The following SANBR variants were observed in gnomAD, a reference collection of about 807,000 sequenced individuals.
SANBR encodes the protein SANT and BTB domain regulator of class switch recombination.
Under a neutral mutation model 101.8 loss-of-function variants are expected in SANBR, and 77 were observed. That is an observed-to-expected ratio of 0.76 (90% confidence interval 0.63 to 0.91). The LOEUF (loss-of-function observed/expected upper bound fraction) is 0.91, where lower values mean the gene tolerates loss of function less well. Ranked by LOEUF, SANBR falls within the 40% of genes least tolerant of loss-of-function variation. The probability of loss-of-function intolerance (pLI) is 0.00; values close to 1 mark genes in which losing one functional copy is unlikely to be tolerated. For synonymous variants in SANBR, 279 were observed against 274.7 expected (o/e 1.02, Z -0.15); for missense variants, 875 against 853.0 (o/e 1.03, Z -0.32).
chr2:61,100,608 T>G (rs1168829175), intron 12 of SANBR, among the ~76,000 whole-genome samples: 1 of 152,162 alleles, frequency 6.6e-6, no homozygotes, highest in Non-Finnish European at 1.5e-5. Context: ...ATTAGTAAAA[T>G]TCTGTTTTTG....
At position 61,088,382 on chromosome 2, in the gene SANBR, A is replaced by T; in HGVS notation, c.1002A>T (p.Leu334Phe). The T allele has an allele frequency of 2.5e-6, 4 of 1,596,724 alleles. No homozygotes were observed. The highest frequency in any genetic ancestry group is 3.4e-6 in the Non-Finnish European group (4 of 1,173,230). ...LYRCCLCKKL[L>F]TKETERRIPC... is the part of the protein sequence containing the mutation. ...GATGCTGTTTGTGTAAGAAACTTTT[A>T]ACAAAAGAAACAGAAAGAAGAATTC... The change falls in exon 10 of 22, where the codon TTA becomes TTT. Residue 334 changes from leucine to phenylalanine, a missense_variant. Physicochemically the swap from Leu to Phe is conservative, Grantham distance 22. Transcript: ENST00000402291.
In SANBR at chr2:61,081,510, A is replaced by C; in HGVS notation, c.729A>C (p.Leu243=). The C allele has an allele frequency of 6.4e-7, 1 of 1,566,924 alleles. No homozygotes were observed. The highest frequency in any genetic ancestry group is 2.4e-5 in the East Asian group (1 of 42,272). ...ISSEFLKMDS[L]VEQCIQYCHK... ...CGGAGTTTTTAAAAATGGATTCACT[A>C]GTAAGTATTGACTTAAAAAAAATCA... Residue 243 remains leucine (L), a splice_region_variant and synonymous_variant, in exon 7 of 22, where the codon CTA becomes CTC. Coordinates refer to ENST00000402291, the MANE Select transcript of SANBR (RefSeq NM_001129993.3).
chr2:61,081,079 CT>C (rs1223331911), intron 6 of SANBR, among the ~76,000 whole-genome samples: 1 of 152,022 alleles, frequency 6.6e-6, no homozygotes, highest in Non-Finnish European at 1.5e-5. Flanking sequence ...TTTAAATTAG[CT>C]TTTCTAATAA....
At chr2:61,120,975 GACAGTAGTTATAAA>G (rs1357503805) in intron 20 of SANBR, among the ~76,000 whole-genome samples, 196 bp from the exon 21 acceptor site, 11 of 152,054 alleles carry the variant, frequency 7.2e-5, no homozygotes, top group Non-Finnish European at 1.3e-4. Context: ...TCTTCATTGT[GACAGTAGTTATAAA>G]ACTGTATGCA....
intron 20 of SANBR, among the ~76,000 whole-genome samples, chr2:61,120,598 G>A (rs184887186): frequency 6.6e-6 from 1 of 152,278 alleles, no homozygotes; most frequent in African/African-American, 2.4e-5. Context: ...GCATGGTGGT[G>A]CACACCTGTG....
chr2:61,121,741 A>G (rs1684339324), intron 21 of SANBR, among the ~76,000 whole-genome samples: 1 of 152,234 alleles, frequency 6.6e-6, no homozygotes, highest in Non-Finnish European at 1.5e-5. Context: ...GAACATTAAT[A>G]TTACAGATTC....
intron 12 of SANBR, among the ~76,000 whole-genome samples, chr2:61,102,535 AT>A (rs112150380): frequency 2.7e-3 from 392 of 145,584 alleles, no homozygotes; most frequent in Middle Eastern, 3.6e-3. Flanking sequence ...CAATGACTAA[AT>A]TTTTTTTTTT....
intron 5 of SANBR, among the ~76,000 whole-genome samples, chr2:61,076,574 G>T (rs1300895702): frequency 6.7e-6 from 1 of 149,746 alleles, no homozygotes; most frequent in Middle Eastern, 3.4e-3. Flanking sequence ...CTTACAGTGA[G>T]CCGAGATCAC....
At chr2:61,071,465 G>T in intron 3 of SANBR, 141 bp from the exon 4 acceptor site, 1 of 427,806 alleles carries the variant, frequency 2.3e-6, no homozygotes. Context: ...CAGGAGAATT[G>T]CTTGAACCCG....
At chr2:61,126,380 A>G (rs1210996509), downstream of SANBR, among the ~76,000 whole-genome samples, 1 of 152,134 alleles carries the variant, frequency 6.6e-6, no homozygotes, top group Admixed American at 6.6e-5. Flanking sequence ...CTCATAAGTA[A>G]TTCCCCAGCT....
chr2:61,136,513 C>T (rs1006498073), intron 21 of SANBR, among the ~76,000 whole-genome samples: 1 of 151,132 alleles, frequency 6.6e-6, no homozygotes, highest in African/African-American at 2.4e-5. Flanking sequence ...CCTGTAATCC[C>T]AGCTACTCAG....
chr2:61,122,114 T>TA lies in SANBR; in HGVS notation c.2121-6dup, dbSNP rs1173661504. On this transcript the variant is annotated splice_polypyrimidine_tract_variant and intron_variant, in intron 21 of 21. Coordinates refer to ENST00000402291, the MANE Select transcript of SANBR (RefSeq NM_001129993.3). Reference sequence around the variant, plus strand: ...AGCAATTCTGACCTCCTTTTCTGTTTAAAAAATCTAGGTCTAAAAGTCGTT... The same window carrying TA: ...AGCAATTCTGACCTCCTTTTCTGTTTAAAAAAATCTAGGTCTAAAAGTCGTT... The TA allele has an allele frequency of 1.9e-6, 3 of 1,549,996 alleles. No homozygotes were observed. In the South Asian group the frequency reaches 3.6e-5, roughly 18 times the overall value.
chr2:61,096,897 T>C (rs1683056447), intron 11 of SANBR, among the ~76,000 whole-genome samples: 2 of 152,210 alleles, frequency 1.3e-5, no homozygotes, highest in African/African-American at 4.8e-5. Context: ...CTCACGCCTG[T>C]AATCCCAGCA....
At chr2:61,091,739 G>A (rs2104901544) in intron 10 of SANBR, among the ~76,000 whole-genome samples, 1 of 152,252 alleles carries the variant, frequency 6.6e-6, no homozygotes, top group East Asian at 1.9e-4. Flanking sequence ...ACTCCAGGCT[G>A]GGTAACAGAG....
At chr2:61,115,770 A>G (rs1684047457) in intron 16 of SANBR, 1 of 366,268 alleles carries the variant, frequency 2.7e-6, no homozygotes, top group Admixed American at 4.4e-5. Context: ...AGAAAAAGAA[A>G]ATGAACCCCT....
At position 61,083,266 on chromosome 2, in the gene SANBR, C is replaced by T. The variant is rs376731071; in HGVS notation, c.842C>T (p.Ser281Leu). 1.3e-5 allele frequency: 21 copies of T among 1,610,462 alleles called. No homozygotes were observed. Among genetic ancestry groups the T allele is most frequent in the Admixed American group, 3.3e-5 (2 of 59,882 alleles). ...NLLTRIADLF[S>L]HNEVDDLKDK... ...CTCACACGTATAGCTGATCTGTTCT[C>T]ACACAATGAAGTTGATGATTTAAAG... Residue 281 changes from serine (S) to leucine (L), a missense_variant, in exon 8 of 22, where the codon TCA becomes TTA. Coordinates refer to ENST00000402291, the MANE Select transcript of SANBR (RefSeq NM_001129993.3).
chr2:61,070,493 C>G lies in SANBR; in HGVS notation c.143C>G (p.Pro48Arg). 1 of 1,605,288 alleles carries G rather than the reference C, an allele frequency of 6.2e-7. No individual in the cohort carries two copies. The highest frequency in any genetic ancestry group is 8.5e-7 in the Non-Finnish European group (1 of 1,176,962). Residue 48 changes from proline (P) to arginine (R), a missense_variant, in exon 3 of 22, where the codon CCA (proline) becomes CGA (arginine). By Grantham distance (103) the Pro-to-Arg change is moderately radical (BLOSUM62 -2). Coordinates refer to ENST00000402291, the MANE Select transcript of SANBR (RefSeq NM_001129993.3). Reference protein sequence around the residue: ...TIARLVPGLTPKECAKRFDEL... With the variant: ...TIARLVPGLTRKECAKRFDEL... ...GCAAGGCTCGTGCCTGGATTAACAC[C>G]AAAAGAGGTAAATAACAGTCCCCCC...
chr2:61,071,131 A>C lies in SANBR; in HGVS notation c.151-475A>C, dbSNP rs139969202. 1.4e-4 allele frequency among the ~76,000 whole-genome samples: 22 copies of C among 152,328 alleles called. No homozygotes were observed. The East Asian group carries it at 4.2e-3, about 29-fold the overall frequency. On this transcript the variant is annotated intron_variant, in intron 3 of 21. Coordinates refer to ENST00000402291, the MANE Select transcript of SANBR (RefSeq NM_001129993.3). ...AAAAATAGAAGTTAGAGGCTTTTGC[A>C]TAGTGAAATGTATACAAATATTCTA... is the stretch of plus-strand genomic sequence containing the variant.
chr2:61,106,697 A>T, intron 14 of SANBR, 35 bp downstream of exon 14: 1 of 1,200,616 alleles, frequency 8.3e-7, no homozygotes, highest in Admixed American at 2.3e-5. Context: ...CTTTATTTAC[A>T]TAAATAATTA....
Sources: gnomAD v4.1 joint callset for allele counts (sites outside exome capture counted in the v4.1 genomes callset) on GRCh38, gnomAD v4.1.1 for gene constraint, MANE v1.5 for transcripts, NCBI Gene and HGNC (gene_info 2026-07-23, HGNC 2026-07-21) for gene names.